The following GABRA1 variants were observed in gnomAD, a reference collection of about 807,000 sequenced individuals.
GABRA1 encodes gamma-aminobutyric acid receptor subunit alpha-1.
Under a neutral mutation model 48.9 loss-of-function variants are expected in GABRA1, and 9 were observed. The ratio of observed to expected loss-of-function variants is 0.18; its 90% CI spans 0.11 to 0.32. The LOEUF is 0.32. Among genes scored for constraint, GABRA1 ranks in the 10% least tolerant of loss-of-function variants. The pLI is 1.00. For missense variants in GABRA1, 285 were observed against 553.8 expected, an observed-to-expected ratio of 0.51 and a Z score of 4.87; for synonymous variants, 210 against 198.7, an observed-to-expected ratio of 1.06 and a Z score of -0.48.
At chr5:161,883,890 T>TAAA (rs202084941) in intron 7 of GABRA1, among the ~76,000 whole-genome samples, 4 of 151,686 alleles carry the variant, frequency 2.6e-5, no homozygotes, top group African/African-American at 7.3e-5. Context: ...ATTTTTTTTT[T>TAAA]AAAAAATGGA....
chr5:161,851,784 A>G (rs949407402), intron 2 of GABRA1, among the ~76,000 whole-genome samples: 1 of 152,168 alleles, frequency 6.6e-6, no homozygotes, highest in Non-Finnish European at 1.5e-5. Flanking sequence ...GCTATTGTGT[A>G]TGGTAAACAC....
chr5:161,898,360 A>G lies in GABRA1; in HGVS notation c.*938A>G, dbSNP rs1039838531. 1.3e-4 allele frequency: 20 copies of G among 152,628 alleles called. No homozygotes were observed. Among genetic ancestry groups the G allele is most frequent in the African/African-American group, 4.3e-4 (18 of 41,470 alleles). The allele number at this position is 152,628 out of a possible 1,614,324, so 9.5% of individuals were successfully genotyped here. On this transcript the variant is annotated 3_prime_UTR_variant, in exon 10 of 10. Coordinates refer to ENST00000393943, the MANE Select transcript of GABRA1 (RefSeq NM_001127644.2). ...TGAATGTATTCTTTTATATAACTACATTAAAAGCTTTAGATTGAAATTTAT... is the reference window on the plus strand; with the variant it reads ...TGAATGTATTCTTTTATATAACTACGTTAAAAGCTTTAGATTGAAATTTAT...
chr5:161,881,389 T>G (rs1338369573), intron 6 of GABRA1, among the ~76,000 whole-genome samples: 1 of 152,136 alleles, frequency 6.6e-6, no homozygotes, highest in Non-Finnish European at 1.5e-5. Flanking sequence ...TCTCTCTCAC[T>G]CTATGCAATC....
intron 2 of GABRA1, among the ~76,000 whole-genome samples, chr5:161,853,218 G>A (rs1213485134): frequency 6.6e-6 from 1 of 151,862 alleles, no homozygotes; most frequent in African/African-American, 2.4e-5. Flanking sequence ...CAATGTGATT[G>A]ATGTAGGAAA....
At chr5:161,868,981 G>T (rs1753994297) in intron 4 of GABRA1, among the ~76,000 whole-genome samples, 1 of 152,108 alleles carries the variant, frequency 6.6e-6, no homozygotes, top group Admixed American at 6.6e-5. Context: ...TGTTTCAATT[G>T]CTCTGTCAAA....
intron 4 of GABRA1, among the ~76,000 whole-genome samples, chr5:161,870,012 G>A (rs1754037284): frequency 6.6e-6 from 1 of 152,030 alleles, no homozygotes; most frequent in African/African-American, 2.4e-5. Flanking sequence ...TAATAAAATG[G>A]GAGACAGATA....
rs1383452863 is a variant in GABRA1 at position 161,898,001 on chromosome 5, G to T, written c.*579G>T. On this transcript the variant is annotated 3_prime_UTR_variant, in exon 10 of 10. Transcript: ENST00000393943. ...ATTCTTTCTCTTTGAAAAAAAAAAAGGCCTAATGCATTATTTTGTCATAAA... is the reference window on the plus strand; with the variant it reads ...ATTCTTTCTCTTTGAAAAAAAAAAATGCCTAATGCATTATTTTGTCATAAA... 1 of 149,144 alleles carries T rather than the reference G, an allele frequency of 6.7e-6. No homozygotes were observed. The highest frequency in any genetic ancestry group is 1.5e-5 in the Non-Finnish European group (1 of 67,452). 9.2% of individuals were successfully genotyped at this position (149,144 alleles called of 1,614,324 possible). A position where few individuals can be genotyped will look rare whatever the true frequency, so the allele number is the denominator to read the frequency against.
intron 4 of GABRA1, among the ~76,000 whole-genome samples, chr5:161,870,403 A>C (rs1754056562): frequency 6.6e-6 from 1 of 151,980 alleles, no homozygotes; most frequent in African/African-American, 2.4e-5. Context: ...CTCTGCTAAA[A>C]ATACAAAATT....
intron 3 of GABRA1, among the ~76,000 whole-genome samples, chr5:161,863,696 G>A (rs1757944972): frequency 6.6e-6 from 1 of 151,834 alleles, no homozygotes; most frequent in Non-Finnish European, 1.5e-5. Flanking sequence ...TTCCAGGAAA[G>A]GAAATTTTAC....
rs1226978105 is a variant in GABRA1 at position 161,854,154 on chromosome 5, TC to T, written c.75-3del. ...CTATTGCTTCTCTTTATGTTTTTTT[TC>T]AGCTATGGACAGCCGTCATTACAAG... On this transcript the variant is annotated splice_region_variant and splice_polypyrimidine_tract_variant and intron_variant, in intron 2 of 9. Coordinates refer to ENST00000393943, the MANE Select transcript of GABRA1 (RefSeq NM_001127644.2). 4 of 1,509,892 alleles carry T rather than the reference TC, an allele frequency of 2.6e-6. No individual in the cohort carries two copies. Among genetic ancestry groups the T allele is most frequent in the Non-Finnish European group, 1.8e-6 (2 of 1,088,086 alleles). The allele number at this position is 1,509,892 out of a possible 1,614,324, so 93.5% of individuals were successfully genotyped here. A position where few individuals can be genotyped will look rare whatever the true frequency, so the allele number is the denominator to read the frequency against.
chr5:161,879,571 G>T lies in GABRA1; in HGVS notation c.560-2987G>T, dbSNP rs1330827362. ...ACATTTTCATAGGAACTATTTTCTG[G>T]TTACTAAAATTTAAGGAAACAATAG... On this transcript the variant is annotated intron_variant, in intron 6 of 9. Coordinates refer to ENST00000393943, the MANE Select transcript of GABRA1 (RefSeq NM_001127644.2). Among the ~76,000 whole-genome samples, 5 of 151,954 alleles carry T rather than the reference G, an allele frequency of 3.3e-5. No individual in the cohort carries two copies. The East Asian group carries it at 9.6e-4, about 29-fold the overall frequency.
intron 3 of GABRA1, among the ~76,000 whole-genome samples, chr5:161,861,753 C>G (rs1757868220): frequency 6.6e-6 from 1 of 151,832 alleles, no homozygotes; most frequent in African/African-American, 2.4e-5. Flanking sequence ...ATTGCTTTAT[C>G]CAGGAGTATA....
chr5:161,854,810 T>A (rs1158272228), intron 3 of GABRA1, among the ~76,000 whole-genome samples: 12 of 151,624 alleles, frequency 7.9e-5, no homozygotes, highest in Admixed American at 7.9e-4. Flanking sequence ...AATACAATTT[T>A]ATTTTACTTG....
At chr5:161,886,432 C>A (rs962656042) in intron 7 of GABRA1, among the ~76,000 whole-genome samples, 1 of 151,106 alleles carries the variant, frequency 6.6e-6, no homozygotes. Flanking sequence ...AGAAGAGTAT[C>A]TGGTTTGTAA....
At chr5:161,885,998 T>C (rs1420917977) in intron 7 of GABRA1, among the ~76,000 whole-genome samples, 1 of 152,168 alleles carries the variant, frequency 6.6e-6, no homozygotes, top group Non-Finnish European at 1.5e-5. Flanking sequence ...CTAACATGCA[T>C]TGGCACTGTT....
rs1293282155 is a variant in GABRA1 at position 161,875,432 on chromosome 5, C to T, written c.477-128C>T. On this transcript the variant is annotated intron_variant, in intron 5 of 9. Coordinates refer to ENST00000393943, the MANE Select transcript of GABRA1 (RefSeq NM_001127644.2). ...TTTTAGATCATTTGATTATTAACAG[C>T]TCAGCATAACCCTGCAATTATGCCT... 12 of 755,490 alleles carry T rather than the reference C, an allele frequency of 1.6e-5. No homozygotes were observed. The Admixed American group carries it at 2.3e-4, about 15-fold the overall frequency. The allele number at this position is 755,490 out of a possible 1,614,324, so 46.8% of individuals were successfully genotyped here.
At chr5:161,854,739 T>C (rs1757581874) in intron 3 of GABRA1, among the ~76,000 whole-genome samples, 1 of 151,622 alleles carries the variant, frequency 6.6e-6, no homozygotes, top group South Asian at 2.1e-4. Context: ...AATAGGGGAA[T>C]GAGATAGATG....
intron 3 of GABRA1, among the ~76,000 whole-genome samples, chr5:161,864,483 A>G (rs1476515668): frequency 6.6e-6 from 1 of 152,094 alleles, no homozygotes; most frequent in African/African-American, 2.4e-5. Flanking sequence ...ACTCTTCACA[A>G]GTAAATTGCT....
Position 161,863,318 on chromosome 5 carries a change from G to A in GABRA1, c.188-2403G>A, listed in dbSNP as rs1207211394. ...GACGGGTAATTTATAAAGAAAACACGATTTATTGGCTCAGTATTCTGCAGG... is the reference window on the plus strand; with the variant it reads ...GACGGGTAATTTATAAAGAAAACACAATTTATTGGCTCAGTATTCTGCAGG... On this transcript the variant is annotated intron_variant, in intron 3 of 9. Coordinates refer to ENST00000393943, the MANE Select transcript of GABRA1 (RefSeq NM_001127644.2). Among the ~76,000 whole-genome samples, 3 of 151,898 alleles carry A rather than the reference G, an allele frequency of 2.0e-5. No individual in the cohort carries two copies. In the East Asian group the frequency reaches 5.8e-4, roughly 29 times the overall value.
Sources: gnomAD v4.1 joint callset for allele counts (sites outside exome capture counted in the v4.1 genomes callset) on GRCh38, gnomAD v4.1.1 for gene constraint, MANE v1.5 for transcripts, NCBI Gene and HGNC (gene_info 2026-07-23, HGNC 2026-07-21) for gene names.